The following AGBL4 variants were observed in gnomAD, a reference collection of about 807,000 sequenced individuals.
AGBL4 encodes the protein AGBL carboxypeptidase 4, also known as cytosolic carboxypeptidase 6.
In AGBL4, 58 loss-of-function variants were observed where a neutral mutation model predicts 66.4. The observed-to-expected ratio is 0.87, with a 90% CI of 0.71 to 1.09. The LOEUF is 1.09. Among genes scored for constraint, AGBL4 ranks in the 50% least tolerant of loss-of-function variants. The probability of loss-of-function intolerance (pLI) is 0.00; values close to 1 mark genes in which losing one functional copy is unlikely to be tolerated. For synonymous variants in AGBL4, 234 were observed against 222.9 expected (o/e 1.05, Z -0.44); for missense variants, 579 against 631.0 (o/e 0.92, Z 0.88).
intron 3 of AGBL4, among the ~76,000 whole-genome samples, chr1:49,332,895 G>T (rs865995845): frequency 6.6e-6 from 1 of 152,088 alleles, no homozygotes; most frequent in Non-Finnish European, 1.5e-5. Context: ...GTGTAAAAGC[G>T]TTCCTATTTC....
At chr1:49,926,929 G>C (rs1471828114) in intron 1 of AGBL4, among the ~76,000 whole-genome samples, 2 of 152,128 alleles carry the variant, frequency 1.3e-5, no homozygotes, top group African/African-American at 2.4e-5. Context: ...TACCACAATA[G>C]GCCATCTGCA....
intron 3 of AGBL4, among the ~76,000 whole-genome samples, chr1:49,521,947 T>C (rs552535030): frequency 9.2e-5 from 14 of 152,162 alleles, no homozygotes; most frequent in African/African-American, 3.4e-4. Context: ...GCTGGAAAAC[T>C]ACCTATTGGG....
At chr1:49,849,971 T>C (rs1646265517) in intron 2 of AGBL4, among the ~76,000 whole-genome samples, 2 of 152,186 alleles carry the variant, frequency 1.3e-5, no homozygotes, top group East Asian at 3.8e-4. Flanking sequence ...ATCAAGTACA[T>C]ACAAGACAAG....
intron 3 of AGBL4, among the ~76,000 whole-genome samples, chr1:49,554,141 C>A (rs533943929): frequency 6.6e-6 from 1 of 152,296 alleles, no homozygotes; most frequent in African/African-American, 2.4e-5. Context: ...TAGAAACACA[C>A]ACACACACAC....
At chr1:49,271,202 T>G (rs1319507412) in intron 3 of AGBL4, among the ~76,000 whole-genome samples, 1 of 152,178 alleles carries the variant, frequency 6.6e-6, no homozygotes, top group Non-Finnish European at 1.5e-5. Flanking sequence ...TCTTATATTC[T>G]TCCATCTATG....
At chr1:49,569,880 C>G (rs1163376049) in intron 3 of AGBL4, among the ~76,000 whole-genome samples, 1 of 152,104 alleles carries the variant, frequency 6.6e-6, no homozygotes, top group Non-Finnish European at 1.5e-5. Flanking sequence ...ATAATGGCCT[C>G]CAGTTCCATA....
intron 1 of AGBL4, among the ~76,000 whole-genome samples, chr1:49,925,556 A>AG (rs1464821521): frequency 6.6e-6 from 1 of 152,192 alleles, no homozygotes; most frequent in Non-Finnish European, 1.5e-5. Flanking sequence ...AAAGAGGGAC[A>AG]GGGCATCAGG....
intron 3 of AGBL4, among the ~76,000 whole-genome samples, chr1:49,695,949 C>T (rs76258011): frequency 0.028 from 4,191 of 152,040 alleles, 163 homozygotes; most frequent in African/African-American, 0.096. Flanking sequence ...AAGACACTGG[C>T]CACTGTCTGA....
rs544342851 is a variant in AGBL4, at chr1:49,988,486, T to C, written c.34+35277A>G. ...AGAGTGCACATTTTCCCCTCAGTGATATAGAATGTTTCCAGCAAAATGAAA... is the reference window on the plus strand; with the variant it reads ...AGAGTGCACATTTTCCCCTCAGTGACATAGAATGTTTCCAGCAAAATGAAA... On this transcript the variant is annotated intron_variant, in intron 1 of 13. Coordinates refer to ENST00000371839, the MANE Select transcript of AGBL4 (RefSeq NM_032785.4). Among the ~76,000 whole-genome samples, 5 of 152,264 alleles carry C rather than the reference T, an allele frequency of 3.3e-5. No homozygotes were observed. In the East Asian group the frequency reaches 7.7e-4, roughly 24 times the overall value.
chr1:49,964,055 T>C (rs184095439), intron 1 of AGBL4, among the ~76,000 whole-genome samples: 260 of 152,228 alleles, frequency 1.7e-3, no homozygotes, highest in African/African-American at 5.7e-3. Flanking sequence ...CCAAATATCA[T>C]TCATATTGTT....
chr1:48,745,289 G>C (rs1192798143), intron 6 of AGBL4, among the ~76,000 whole-genome samples: 1 of 152,194 alleles, frequency 6.6e-6, no homozygotes, highest in Non-Finnish European at 1.5e-5. Flanking sequence ...AAGCTGTTCT[G>C]AATGTCTGTA....
chr1:49,642,216 C>G (rs1645795520), intron 3 of AGBL4, among the ~76,000 whole-genome samples: 1 of 151,788 alleles, frequency 6.6e-6, no homozygotes, highest in African/African-American at 2.4e-5. Context: ...AAACAATGGG[C>G]CTGGATTTTT....
chr1:48,595,814 T>A (rs781722975), intron 9 of AGBL4, among the ~76,000 whole-genome samples: 29 of 152,182 alleles, frequency 1.9e-4, no homozygotes, highest in Non-Finnish European at 3.7e-4. Context: ...GGCCAAAACC[T>A]GAGCTTGGTG....
chr1:50,006,067 C>T (rs185742601), intron 1 of AGBL4, among the ~76,000 whole-genome samples: 127 of 152,266 alleles, frequency 8.3e-4, no homozygotes, highest in Non-Finnish European at 1.1e-3. Context: ...AGGCCAGGTG[C>T]GGTGGCTCAC....
intron 6 of AGBL4, among the ~76,000 whole-genome samples, chr1:48,785,914 A>G (rs1456959988): frequency 6.6e-6 from 1 of 152,030 alleles, no homozygotes; most frequent in African/African-American, 2.4e-5. Context: ...CAGAGACCAC[A>G]TTAGTTCTCT....
At chr1:48,994,225 GC>G (rs1331853404) in intron 5 of AGBL4, among the ~76,000 whole-genome samples, 4 of 152,136 alleles carry the variant, frequency 2.6e-5, no homozygotes, top group Non-Finnish European at 2.9e-5. Context: ...CTGTGCCTGT[GC>G]CATTCCCACT....
intron 1 of AGBL4, among the ~76,000 whole-genome samples, chr1:49,870,918 A>T (rs972489403): frequency 6.6e-6 from 1 of 152,174 alleles, no homozygotes; most frequent in Non-Finnish European, 1.5e-5. Flanking sequence ...AAAATGGTTC[A>T]GCCAACACAG....
At chr1:49,220,650 C>A (rs777949558) in intron 4 of AGBL4, among the ~76,000 whole-genome samples, 6 of 152,066 alleles carry the variant, frequency 3.9e-5, no homozygotes, top group Non-Finnish European at 8.8e-5. Flanking sequence ...ATCTTGTCAG[C>A]ATGTCTGGTG....
intron 3 of AGBL4, among the ~76,000 whole-genome samples, chr1:49,450,245 T>C (rs900472896): frequency 6.6e-6 from 1 of 152,070 alleles, no homozygotes; most frequent in African/African-American, 2.4e-5. Flanking sequence ...CAGGCTCTGA[T>C]ATGAAGCTAG....
Sources: gnomAD v4.1 joint callset for allele counts (sites outside exome capture counted in the v4.1 genomes callset) on GRCh38, gnomAD v4.1.1 for gene constraint, MANE v1.5 for transcripts, NCBI Gene and HGNC (gene_info 2026-07-23, HGNC 2026-07-21) for gene names.